The following NUP205 variants were observed in gnomAD, a reference collection of about 807,000 sequenced individuals.
The protein encoded by NUP205 is nucleoporin 205, also known as nuclear pore complex protein Nup205.
A neutral mutation model predicts 253.8 loss-of-function variants in NUP205; 76 were observed. The observed-to-expected ratio is 0.30, with a 90% CI of 0.25 to 0.36. The LOEUF is 0.36. NUP205 is among the 10% of genes least tolerant of loss of function. The pLI, the probability that NUP205 is intolerant of heterozygous loss-of-function variation, is 1.00. For synonymous variants in NUP205, 832 were observed against 850.1 expected (o/e 0.98, Z 0.37); for missense variants, 2,162 against 2,425.5 (o/e 0.89, Z 2.28).
rs762687738 is a variant in NUP205, at chr7:135,593,016, C to G, written c.1654C>G (p.Pro552Ala). 4.3e-6 allele frequency: 7 copies of G among 1,613,902 alleles called. No individual in the cohort carries two copies. The highest frequency in any genetic ancestry group is 5.9e-6 in the Non-Finnish European group (7 of 1,179,796). ...AAATATTCAGGGAGCAGGTGGCAGT[C>G]CTGTTTCCTGGGAACATTTCTTTCA... ...VENIQGAGGS[P>A]VSWEHFFHSL... The change falls in exon 12 of 43, where the codon CCT (proline) becomes GCT (alanine). Residue 552 changes from proline to alanine, a missense_variant. By Grantham distance (27) the Pro-to-Ala change is conservative. Transcript: ENST00000285968.
chr7:135,619,522 A>G lies in NUP205; in HGVS notation c.4063A>G (p.Lys1355Glu). ...HLSQAVLTEQ[K>E]ETSVLGPAEA... Reference sequence around the variant, plus strand: ...AAGCCAGGCCGTCCTCACTGAACAGAAGGAAACATCAGTCTTGGGACCAGC... The same window carrying G: ...AAGCCAGGCCGTCCTCACTGAACAGGAGGAAACATCAGTCTTGGGACCAGC... The change falls in exon 29 of 43, where the codon AAG (lysine) becomes GAG (glutamate). Residue 1355 changes from lysine to glutamate, a missense_variant. By Grantham distance (56) the Lys-to-Glu change is moderately conservative (BLOSUM62 1). Coordinates refer to ENST00000285968, the MANE Select transcript of NUP205 (RefSeq NM_015135.3). 2 of 1,614,120 alleles carry G rather than the reference A, an allele frequency of 1.2e-6. No homozygotes were observed. The highest frequency in any genetic ancestry group is 1.7e-6 in the Non-Finnish European group (2 of 1,180,012).
chr7:135,612,673 T>TC (rs1462272432), intron 22 of NUP205, among the ~76,000 whole-genome samples: 3 of 152,200 alleles, frequency 2.0e-5, no homozygotes, highest in Non-Finnish European at 4.4e-5. Context: ...GTAGCTGTTC[T>TC]CCCGCGCATG....
intron 11 of NUP205, 107 bp from the exon 12 acceptor site, chr7:135,592,880 A>G (rs1012880621): frequency 1.3e-5 from 11 of 830,534 alleles, no homozygotes; most frequent in South Asian, 1.0e-4. Context: ...GTGAGACTCT[A>G]TCTCAAAAAA....
chr7:135,602,834 C>T lies in NUP205; in HGVS notation c.2542C>T (p.His848Tyr). 2 of 1,613,720 alleles carry T rather than the reference C, an allele frequency of 1.2e-6. No individual in the cohort carries two copies. The highest frequency in any genetic ancestry group is 1.7e-6 in the Non-Finnish European group (2 of 1,179,862). The stretch of plus-strand genomic sequence containing the variant: ...AAAACACCTGGAGAAAGCAGTACAG[C>T]ATTGCCTTGCACTTCTCAATCTTAC... ...GKKHLEKAVQ[H>Y]CLALLNLTLQ... The change falls in exon 18 of 43, where the codon CAT (histidine) becomes TAT (tyrosine). Residue 848 changes from histidine (H) to tyrosine (Y), a missense_variant. Physicochemically the swap from His to Tyr is moderately conservative, Grantham distance 83. Coordinates refer to ENST00000285968, the MANE Select transcript of NUP205 (RefSeq NM_015135.3).
chr7:135,648,569 A>T lies in NUP205; in HGVS notation c.*13A>T. On this transcript the variant is annotated 3_prime_UTR_variant, in exon 43 of 43. Coordinates refer to ENST00000285968, the MANE Select transcript of NUP205 (RefSeq NM_015135.3). ...ATCAAGGAACTGAGAGCCCGTGCTT[A>T]TGCTCTTCTATGAGAGAGATGAATT... The T allele has an allele frequency of 6.6e-7, 1 of 1,521,204 alleles. No homozygotes were observed. The highest frequency in any genetic ancestry group is 2.5e-5 in the East Asian group (1 of 40,332). 94.2% of individuals were successfully genotyped at this position (1,521,204 alleles called of 1,614,324 possible). A position where few individuals can be genotyped will look rare whatever the true frequency, so the allele number is the denominator to read the frequency against.
At chr7:135,575,177 T>C (rs2129489811) in intron 3 of NUP205, among the ~76,000 whole-genome samples, 1 of 152,308 alleles carries the variant, frequency 6.6e-6, no homozygotes, top group East Asian at 1.9e-4. Flanking sequence ...TTAAGTACAA[T>C]TAATGCAGTT....
chr7:135,601,427 A>G lies in NUP205; in HGVS notation c.2432A>G (p.Asn811Ser), dbSNP rs1793963152. 1 of 1,613,938 alleles carries G rather than the reference A, an allele frequency of 6.2e-7. No homozygotes were observed. The highest frequency in any genetic ancestry group is 2.2e-5 in the East Asian group (1 of 44,858). Residue 811 changes from asparagine to serine, a missense_variant, in exon 17 of 43, where the codon AAT (asparagine) becomes AGT (serine). Physicochemically the swap from Asn to Ser is conservative, Grantham distance 46 (BLOSUM62 1). Coordinates refer to ENST00000285968, the MANE Select transcript of NUP205 (RefSeq NM_015135.3). ...TTTAGTCTGATGTATCATCTGCTGA[A>G]TGAGTCACCAATGTTGGAGCTTGCT... ...PGFSLMYHLL[N>S]ESPMLELALS...
At chr7:135,618,999 T>C (rs1267917781) in intron 28 of NUP205, among the ~76,000 whole-genome samples, 1 of 152,216 alleles carries the variant, frequency 6.6e-6, no homozygotes, top group African/African-American at 2.4e-5. Context: ...TCTTTCTTTC[T>C]TTCTTTCTTG....
Position 135,635,645 on chromosome 7 carries a change from T to C in NUP205, c.5124T>C (p.Ile1708=). 1.3e-6 allele frequency: 2 copies of C among 1,578,856 alleles called. No individual in the cohort carries two copies. The highest frequency in any genetic ancestry group is 1.7e-6 in the Non-Finnish European group (2 of 1,151,912). The stretch of plus-strand genomic sequence containing the variant: ...CTCTAATGGAGCTACAGGGACATAT[T>C]GGAAGATTCCAGGTAACTGATTCTT... ...EGSLMELQGH[I]GRFQRQCLGL... is the part of the protein sequence containing the mutation. The change falls in exon 36 of 43, where the codon ATT becomes ATC. Residue 1708 remains isoleucine, a synonymous_variant. Transcript: ENST00000285968.
chr7:135,607,124 G>T, intron 21 of NUP205, 123 bp from the exon 22 acceptor site: 1 of 1,291,276 alleles, frequency 7.7e-7, no homozygotes, highest in Non-Finnish European at 1.1e-6. Context: ...TCTGTTATCA[G>T]TATTTGAAAG....
In NUP205 at chr7:135,581,218, C is replaced by T. The variant is rs1368347004; in HGVS notation, c.1042+2303C>T. Among the ~76,000 whole-genome samples, 3 of 152,260 alleles carry T rather than the reference C, an allele frequency of 2.0e-5. No individual in the cohort carries two copies. The East Asian group carries it at 5.8e-4, about 29-fold the overall frequency. On this transcript the variant is annotated intron_variant, in intron 7 of 42. Transcript: ENST00000285968. ...CTGTTCTCTTCATAGACTTCTGAAA[C>T]TTTTATCAAATGTTTTTATTATATT...
At chr7:135,618,057 G>A (rs979394093) in intron 27 of NUP205, among the ~76,000 whole-genome samples, 1 of 151,692 alleles carries the variant, frequency 6.6e-6, no homozygotes, top group Non-Finnish European at 1.5e-5. Context: ...AAAGCAAGAG[G>A]CAAAGAAATA....
chr7:135,603,078 G>T, intron 18 of NUP205, 84 bp downstream of exon 18: 6 of 874,096 alleles, frequency 6.9e-6, no homozygotes, highest in South Asian at 4.2e-5. Context: ...GGTATCTAGT[G>T]CATCACCTTT....
At chr7:135,589,132 T>C (rs1806552405) in intron 10 of NUP205, among the ~76,000 whole-genome samples, 1 of 149,574 alleles carries the variant, frequency 6.7e-6, no homozygotes, top group African/African-American at 2.5e-5. Flanking sequence ...GTTACGCCAC[T>C]GCACTCCAGC....
chr7:135,647,029 C>T (rs56060450), intron 42 of NUP205, among the ~76,000 whole-genome samples: 32,194 of 152,112 alleles, frequency 0.21, 3,512 homozygotes, highest in South Asian at 0.31. Flanking sequence ...CAAATCCCGC[C>T]GTCATAGACC....
chr7:135,646,072 G>A, intron 41 of NUP205, 86 bp from the exon 42 acceptor site: 1 of 864,616 alleles, frequency 1.2e-6, no homozygotes, highest in Non-Finnish European at 2.0e-6. Flanking sequence ...TGGTGCTATT[G>A]TTATTATTCA....
chr7:135,646,989 ATTTAATG>A (rs1300818595), intron 42 of NUP205, among the ~76,000 whole-genome samples: 15 of 152,322 alleles, frequency 9.8e-5, no homozygotes, highest in African/African-American at 3.6e-4. Context: ...TCAGGAAATA[ATTTAATG>A]GTGAGATTGA....
chr7:135,568,987 A>G (rs1352760960), intron 1 of NUP205, among the ~76,000 whole-genome samples: 2 of 152,196 alleles, frequency 1.3e-5, no homozygotes, highest in East Asian at 3.8e-4. Context: ...TGTACATTTT[A>G]TCTCCCCAAC....
intron 7 of NUP205, among the ~76,000 whole-genome samples, chr7:135,581,569 C>T (rs1213818947): frequency 2.0e-5 from 3 of 148,566 alleles, no homozygotes; most frequent in African/African-American, 7.5e-5. Context: ...AAACAAGCAT[C>T]GGCCGGGTGT....
Sources: allele counts gnomAD v4.1 joint callset (sites outside exome capture counted in the v4.1 genomes callset), GRCh38; gene constraint gnomAD v4.1.1; transcripts MANE v1.5; gene names NCBI Gene and HGNC (gene_info 2026-07-23, HGNC 2026-07-21).